PLCB4: variants seen among roughly 807,000 people sequenced by gnomAD.
PLCB4 encodes the protein phospholipase C beta 4.
Under a neutral mutation model 178.8 loss-of-function variants are expected in PLCB4, and 77 were observed. The ratio of observed to expected loss-of-function variants is 0.43; its 90% CI spans 0.36 to 0.52. The LOEUF is 0.52. Among genes scored for constraint, PLCB4 ranks in the 20% least tolerant of loss-of-function variants. PLCB4 has a pLI of 0.00. For missense variants in PLCB4, 1,024 were observed against 1,453.4 expected (o/e 0.70, Z 4.80); for synonymous variants, 496 against 490.8 (o/e 1.01, Z -0.14).
At chr20:9,305,541 AC>A (rs1357341493) in intron 3 of PLCB4, among the ~76,000 whole-genome samples, 71 of 151,694 alleles carry the variant, frequency 4.7e-4, no homozygotes, top group African/African-American at 1.6e-3. Flanking sequence ...TTTCTTTTCT[AC>A]TTTTTTGGCA....
chr20:9,235,988 G>C (rs1247625770), intron 3 of PLCB4, among the ~76,000 whole-genome samples: 3 of 152,164 alleles, frequency 2.0e-5, no homozygotes, highest in African/African-American at 7.2e-5. Flanking sequence ...CAAATCATAA[G>C]GGGATAGCTT....
intron 3 of PLCB4, among the ~76,000 whole-genome samples, chr20:9,284,137 T>C (rs1323796539): frequency 2.0e-5 from 3 of 151,966 alleles, no homozygotes; most frequent in South Asian, 2.1e-4. Flanking sequence ...GTGTGTTACG[T>C]AGAAAAATCT....
chr20:9,248,668 T>G (rs1429623518), intron 3 of PLCB4, among the ~76,000 whole-genome samples: 1 of 152,212 alleles, frequency 6.6e-6, no homozygotes, highest in Non-Finnish European at 1.5e-5. Flanking sequence ...TACTGACTCT[T>G]TTAACACACT....
Position 9,409,307 on chromosome 20 carries a change from T to A in PLCB4, c.1999+126T>A, listed in dbSNP as rs549160199. 13 of 641,316 alleles carry A rather than the reference T, an allele frequency of 2.0e-5. No individual in the cohort carries two copies. In the African/African-American group the frequency reaches 2.3e-4, roughly 11 times the overall value. The allele number at this position is 641,316 out of a possible 1,614,324, so 39.7% of individuals were successfully genotyped here. A position where few individuals can be genotyped will look rare whatever the true frequency, so the allele number is the denominator to read the frequency against. The stretch of plus-strand genomic sequence containing the variant: ...GCAGACATATGGCAAAGCAATGTGT[T>A]ATTGGATTTATATAATGGTGAGAAA... On this transcript the variant is annotated intron_variant, in intron 24 of 39. Transcript: ENST00000378473.
chr20:9,183,438 A>G (rs2093279816), intron 2 of PLCB4, among the ~76,000 whole-genome samples: 1 of 152,176 alleles, frequency 6.6e-6, no homozygotes, highest in South Asian at 2.1e-4. Flanking sequence ...GGGCTGTGAT[A>G]CCACAGAGGA....
rs527579173 is a variant in PLCB4 at position 9,257,956 on chromosome 20, C to T, written c.-16+40504C>T. Among the ~76,000 whole-genome samples, 5 of 152,190 alleles carry T rather than the reference C, an allele frequency of 3.3e-5. No homozygotes were observed. In the East Asian group the frequency reaches 9.7e-4, roughly 29 times the overall value. On this transcript the variant is annotated intron_variant, in intron 3 of 39. Transcript: ENST00000378473. ...AAGTCTGATTGTTGACTTTTAAAAA[C>T]AGCATATTAGCTGAAAGAAAAGATG...
At chr20:9,193,146 G>A (rs1018503726) in intron 2 of PLCB4, among the ~76,000 whole-genome samples, 4 of 152,192 alleles carry the variant, frequency 2.6e-5, no homozygotes, top group Admixed American at 6.5e-5. Context: ...TGGGATGGAC[G>A]CTATCTTGGG....
chr20:9,136,654 C>G (rs1410059837), intron 2 of PLCB4, among the ~76,000 whole-genome samples: 2 of 152,050 alleles, frequency 1.3e-5, no homozygotes, highest in African/African-American at 4.8e-5. Flanking sequence ...TCTGTGTGCA[C>G]TCAGAAAGAA....
intron 20 of PLCB4, among the ~76,000 whole-genome samples, chr20:9,403,252 A>T (rs1034402112): frequency 6.6e-6 from 1 of 152,234 alleles, no homozygotes; most frequent in Non-Finnish European, 1.5e-5. Context: ...AGTTCAAAAG[A>T]TCGTATTTGA....
chr20:9,305,153 C>T (rs1029773688), intron 3 of PLCB4, among the ~76,000 whole-genome samples: 7 of 151,276 alleles, frequency 4.6e-5, no homozygotes, highest in East Asian at 1.9e-4. Context: ...TTAACCAATT[C>T]GTATTTACTA....
chr20:9,421,603 T>C, intron 27 of PLCB4, 142 bp downstream of exon 27: 1 of 663,810 alleles, frequency 1.5e-6, no homozygotes, highest in South Asian at 1.9e-5. Flanking sequence ...CTTCTGTAGC[T>C]GTCATAGGAT....
intron 4 of PLCB4, among the ~76,000 whole-genome samples, chr20:9,311,621 T>A (rs2094835324): frequency 6.6e-6 from 1 of 152,172 alleles, no homozygotes; most frequent in African/African-American, 2.4e-5. Context: ...ACATTTTCTG[T>A]CTCTCAATCT....
intron 3 of PLCB4, among the ~76,000 whole-genome samples, chr20:9,249,369 A>C (rs192317812): frequency 7.2e-5 from 11 of 152,290 alleles, no homozygotes; most frequent in African/African-American, 2.6e-4. Context: ...GTGTAGTGGC[A>C]CAATCACAGG....
chr20:9,105,119 T>C (rs994083529), intron 2 of PLCB4, among the ~76,000 whole-genome samples: 1 of 152,108 alleles, frequency 6.6e-6, no homozygotes, highest in African/African-American at 2.4e-5. Context: ...CTATTAGAAG[T>C]ACTATGATTG....
At chr20:9,232,829 A>T (rs917615646) in intron 3 of PLCB4, among the ~76,000 whole-genome samples, 23 of 152,144 alleles carry the variant, frequency 1.5e-4, no homozygotes, top group African/African-American at 5.5e-4. Context: ...GGAGAAAAAT[A>T]GTCCCTTAGA....
chr20:9,403,592 G>C (rs1289650906), intron 20 of PLCB4, among the ~76,000 whole-genome samples: 1 of 152,162 alleles, frequency 6.6e-6, no homozygotes, highest in African/African-American at 2.4e-5. Flanking sequence ...AGATTTTTTG[G>C]CAGAAAAAGG....
intron 2 of PLCB4, among the ~76,000 whole-genome samples, chr20:9,150,437 T>G (rs1600728557): frequency 6.6e-6 from 1 of 152,164 alleles, no homozygotes; most frequent in East Asian, 1.9e-4. Flanking sequence ...CATTTGTACT[T>G]TCCTATGACT....
chr20:9,220,145 G>A lies in PLCB4; in HGVS notation c.-16+2693G>A, dbSNP rs141423586. ...GCATTAAGTGACCTTTGCATTGGGAGCTTTAGATTGGCTCTTGCTGAAGAG... is the reference window on the plus strand; with the variant it reads ...GCATTAAGTGACCTTTGCATTGGGAACTTTAGATTGGCTCTTGCTGAAGAG... On this transcript the variant is annotated intron_variant, in intron 3 of 39. Transcript: ENST00000378473. Among the ~76,000 whole-genome samples the A allele has an allele frequency of 6.4e-4, 97 of 152,256 alleles. 1 individual carries two copies. The East Asian group carries it at 0.014, about 22-fold the overall frequency.
chr20:9,465,728 A>C (rs1429346867), intron 35 of PLCB4, among the ~76,000 whole-genome samples: 3 of 152,128 alleles, frequency 2.0e-5, no homozygotes, highest in Admixed American at 2.0e-4. Flanking sequence ...AACTTACAAG[A>C]GATGTGAGGG....
Sources: allele counts gnomAD v4.1 joint callset (sites outside exome capture counted in the v4.1 genomes callset), GRCh38; gene constraint gnomAD v4.1.1; transcripts MANE v1.5; gene names NCBI Gene and HGNC (gene_info 2026-07-23, HGNC 2026-07-21).